DOCK7: variants seen among roughly 807,000 people sequenced by gnomAD.
The protein encoded by DOCK7 is dedicator of cytokinesis protein 7.
Under a neutral mutation model 271.0 loss-of-function variants are expected in DOCK7, and 138 were observed. The observed-to-expected ratio is 0.51, with a 90% CI of 0.44 to 0.59. The LOEUF is 0.59. Ranked by LOEUF, DOCK7 falls within the 20% of genes least tolerant of loss-of-function variation. The pLI, the probability that DOCK7 is intolerant of heterozygous loss-of-function variation, is 0.00. For missense variants in DOCK7, 2,066 were observed against 2,592.4 expected, an observed-to-expected ratio of 0.80 and a Z score of 4.41; for synonymous variants, 823 against 876.1, an observed-to-expected ratio of 0.94 and a Z score of 1.07.
intron 1 of DOCK7, among the ~76,000 whole-genome samples, chr1:62,687,085 T>A (rs1661869055): frequency 1.3e-5 from 2 of 152,068 alleles, no homozygotes; most frequent in South Asian, 4.1e-4. Context: ...CGGCCCAAAA[T>A]TTTTAAAGAA....
chr1:62,633,801 T>C (rs761371085), intron 9 of DOCK7: 4 of 456,308 alleles, frequency 8.8e-6, no homozygotes, highest in Non-Finnish European at 1.2e-5. Context: ...AAAGGCCATA[T>C]ATGAAAAGCC....
intron 18 of DOCK7, among the ~76,000 whole-genome samples, chr1:62,563,671 T>C (rs571130820): frequency 1.3e-5 from 2 of 152,040 alleles, no homozygotes; most frequent in South Asian, 2.1e-4. Context: ...TCAATATCTA[T>C]GACAGGATCA....
chr1:62,595,030 T>C (rs1403573530), intron 14 of DOCK7, among the ~76,000 whole-genome samples: 2 of 152,180 alleles, frequency 1.3e-5, no homozygotes, highest in Non-Finnish European at 2.9e-5. Context: ...TATAATTCCA[T>C]TACATGAACC....
chr1:62,512,228 A>C (rs1001532115), intron 33 of DOCK7, among the ~76,000 whole-genome samples: 1 of 152,230 alleles, frequency 6.6e-6, no homozygotes, highest in Non-Finnish European at 1.5e-5. Flanking sequence ...ATTTTAAGTC[A>C]ACAAATAAAT....
chr1:62,520,413 C>T (rs1418372417), intron 31 of DOCK7, among the ~76,000 whole-genome samples: 1 of 152,090 alleles, frequency 6.6e-6, no homozygotes, highest in Non-Finnish European at 1.5e-5. Flanking sequence ...AAGGAAAAAA[C>T]AACCCCACCA....
At chr1:62,676,850 A>G (rs903631246) in intron 1 of DOCK7, among the ~76,000 whole-genome samples, 1 of 152,250 alleles carries the variant, frequency 6.6e-6, no homozygotes, top group Non-Finnish European at 1.5e-5. Context: ...GACAAAAGTC[A>G]AAAAGAAAAA....
At chr1:62,626,164 A>G (rs1653925555) in intron 11 of DOCK7, among the ~76,000 whole-genome samples, 1 of 152,178 alleles carries the variant, frequency 6.6e-6, no homozygotes, top group Non-Finnish European at 1.5e-5. Flanking sequence ...AAGGAATAAT[A>G]GAAATTAGGA....
At position 62,539,832 on chromosome 1, in the gene DOCK7, G is replaced by A. The variant is rs148978020; in HGVS notation, c.3106C>T (p.Arg1036Cys). 14 of 1,613,322 alleles carry A rather than the reference G, an allele frequency of 8.7e-6. No homozygotes were observed. In the East Asian group the frequency reaches 1.8e-4, roughly 21 times the overall value. Reference sequence around the variant, plus strand: ...TCATCCATGAAACGTTCTGGAAAACGACTTTTCCTTGGAGCCTCAAGTTTA... The same window carrying A: ...TCATCCATGAAACGTTCTGGAAAACAACTTTTCCTTGGAGCCTCAAGTTTA... ...NDKLEAPRKSRFPERFMDDIA... is the reference protein window; with the variant it reads ...NDKLEAPRKSCFPERFMDDIA... The change falls in exon 26 of 50, where the codon CGT becomes TGT. Residue 1036 changes from arginine (R) to cysteine (C), a missense_variant. Coordinates refer to ENST00000635253, the MANE Select transcript of DOCK7 (RefSeq NM_001367561.1).
At chr1:62,667,307 T>C (rs762050352) in intron 1 of DOCK7, among the ~76,000 whole-genome samples, 45 of 152,120 alleles carry the variant, frequency 3.0e-4, no homozygotes, top group Non-Finnish European at 5.9e-4. Context: ...AATAATAAGG[T>C]ATCTTGGAAC....
intron 18 of DOCK7, among the ~76,000 whole-genome samples, chr1:62,564,121 G>A (rs1286585266): frequency 1.3e-5 from 2 of 151,992 alleles, no homozygotes; most frequent in Admixed American, 1.3e-4. Flanking sequence ...CAATAACGGT[G>A]GGAGACTTTA....
chr1:62,634,534 CAA>C, intron 9 of DOCK7: 1 of 300,510 alleles, frequency 3.3e-6, no homozygotes, highest in South Asian at 1.5e-4. Context: ...CTACAATAAT[CAA>C]AACAGATCTA....
chr1:62,688,328 C>A lies in DOCK7; in HGVS notation c.-64G>T. 9.2e-7 allele frequency: 1 copy of A among 1,084,922 alleles called. No homozygotes were observed. The highest frequency in any genetic ancestry group is 1.2e-6 in the Non-Finnish European group (1 of 867,950). 67.2% of individuals were successfully genotyped at this position (1,084,922 alleles called of 1,614,324 possible). ...CGGGCCGGGTGCGGACCGGCGGGCG[C>A]GTGCCTCCTCGCTCGTGCTCCCTCC... is the stretch of plus-strand genomic sequence containing the variant. On this transcript the variant is annotated 5_prime_UTR_variant, in exon 1 of 50. Transcript: ENST00000635253.
intron 14 of DOCK7, among the ~76,000 whole-genome samples, chr1:62,613,148 G>A (rs777337453): frequency 6.6e-6 from 1 of 152,036 alleles, no homozygotes; most frequent in Non-Finnish European, 1.5e-5. Context: ...TTTCACCATT[G>A]AGAAAGATCT....
intron 14 of DOCK7, among the ~76,000 whole-genome samples, chr1:62,616,737 GTCA>G (rs1652485381): frequency 6.6e-6 from 1 of 151,630 alleles, no homozygotes; most frequent in African/African-American, 2.4e-5. Flanking sequence ...CTAAATAAAT[GTCA>G]TCATATCAAT....
In DOCK7 at chr1:62,536,005, T is replaced by C. The variant is rs146192940; in HGVS notation, c.3472-373A>G. 1.4e-3 allele frequency among the ~76,000 whole-genome samples: 211 copies of C among 152,216 alleles called. No individual in the cohort carries two copies. In the Middle Eastern group the frequency reaches 0.017, roughly 12 times the overall value. Reference sequence around the variant, plus strand: ...CACTTACCCCAAAGTACAAGAGAAATATTCATAGTCAAGGCTATTGGTTTC... The same window carrying C: ...CACTTACCCCAAAGTACAAGAGAAACATTCATAGTCAAGGCTATTGGTTTC... On this transcript the variant is annotated intron_variant, in intron 28 of 49. Transcript: ENST00000635253.
intron 2 of DOCK7, among the ~76,000 whole-genome samples, chr1:62,658,037 A>T (rs1467688798): frequency 6.6e-6 from 1 of 152,100 alleles, no homozygotes; most frequent in Non-Finnish European, 1.5e-5. Flanking sequence ...TCTAAATTTC[A>T]TAAAAAGACA....
chr1:62,636,372 A>T (rs1031656044), intron 8 of DOCK7, among the ~76,000 whole-genome samples, 165 bp downstream of exon 8: 1 of 152,220 alleles, frequency 6.6e-6, no homozygotes, highest in Non-Finnish European at 1.5e-5. Flanking sequence ...AATTACAGTA[A>T]TTTATAAGAA....
In DOCK7 at chr1:62,474,082, A is replaced by C. The variant is rs749566422; in HGVS notation, c.6112T>G (p.Leu2038Val). 7.4e-6 allele frequency: 12 copies of C among 1,613,134 alleles called. No homozygotes were observed. The highest frequency in any genetic ancestry group is 6.7e-5 in the Admixed American group (4 of 59,854). The change falls in exon 48 of 50, where the codon TTG (leucine) becomes GTG (valine). Residue 2038 changes from leucine (L) to valine (V), a missense_variant. Leu to Val is a conservative substitution (Grantham distance 32). This residue lies in a region of DOCK7 where 652 missense variants were observed against 922.1 expected (regional missense o/e 0.71). Transcript: ENST00000635253. Reference sequence around the variant, plus strand: ...GACAGAAAAACCTGGGCAACTTCCAAAGGCCCCTGCAAAATAAGAAAATAA... The same window carrying C: ...GACAGAAAAACCTGGGCAACTTCCACAGGCCCCTGCAAAATAAGAAAATAA... ...SVGTTVNQGP[L>V]EVAQVFLSEI...
intron 39 of DOCK7, chr1:62,494,716 T>G: frequency 3.0e-6 from 1 of 337,068 alleles, no homozygotes; most frequent in Non-Finnish European, 5.3e-6. Flanking sequence ...ATTCTGACTT[T>G]TAAGAAAATA....
Sources: allele counts gnomAD v4.1 joint callset (sites outside exome capture counted in the v4.1 genomes callset), GRCh38; gene constraint gnomAD v4.1.1; regional missense constraint gnomAD v4.1.1; transcripts MANE v1.5; gene names NCBI Gene and HGNC (gene_info 2026-07-23, HGNC 2026-07-21).